SYN3: variants seen among roughly 807,000 people sequenced by gnomAD.
SYN3 encodes synapsin III.
Under a neutral mutation model 65.8 loss-of-function variants are expected in SYN3, and 35 were observed. The ratio of observed to expected loss-of-function variants is 0.53; its 90% CI spans 0.41 to 0.70. SYN3 has a LOEUF of 0.70. Ranked by LOEUF, SYN3 falls within the 30% of genes least tolerant of loss-of-function variation. The pLI, the probability that SYN3 is intolerant of heterozygous loss-of-function variation, is 0.00. For synonymous variants in SYN3, 270 were observed against 292.9 expected, an observed-to-expected ratio of 0.92 and a Z score of 0.80; for missense variants, 680 against 749.0, an observed-to-expected ratio of 0.91 and a Z score of 1.08.
chr22:32,993,507 T>C (rs1485420292), intron 2 of SYN3, among the ~76,000 whole-genome samples: 1 of 152,084 alleles, frequency 6.6e-6, no homozygotes, highest in East Asian at 1.9e-4. Context: ...CACCACGCCC[T>C]GCTAATTTTT....
intron 6 of SYN3, among the ~76,000 whole-genome samples, chr22:32,631,075 C>A (rs1194398327): frequency 8.2e-6 from 1 of 121,714 alleles, no homozygotes; most frequent in African/African-American, 4.6e-5. Flanking sequence ...GGGCGGATCA[C>A]CTGAGGTCAG....
intron 3 of SYN3, among the ~76,000 whole-genome samples, chr22:32,934,238 T>C (rs2050714035): frequency 6.6e-6 from 1 of 152,134 alleles, no homozygotes. Context: ...TCACCAAATA[T>C]ATGCAGAGAG....
chr22:32,524,372 T>C (rs557263955), intron 12 of SYN3, among the ~76,000 whole-genome samples: 32 of 152,276 alleles, frequency 2.1e-4, no homozygotes, highest in African/African-American at 7.7e-4. Context: ...GCCGGTGACT[T>C]AGAGTTGAAG....
intron 7 of SYN3, among the ~76,000 whole-genome samples, chr22:32,560,948 G>T (rs1395470048): frequency 6.6e-6 from 1 of 152,192 alleles, no homozygotes; most frequent in Non-Finnish European, 1.5e-5. Flanking sequence ...GTAGGATGTG[G>T]GGTGTGAAGG....
intron 1 of SYN3, among the ~76,000 whole-genome samples, chr22:33,028,698 TGGTGGTGGTGGTGGTGGG>T (rs2053690431): frequency 7.6e-6 from 1 of 131,738 alleles, no homozygotes; most frequent in South Asian, 2.3e-4. Context: ...GTGATGGTGG[TGGTGGTGGTGGTGGTGGG>T]GTTGCTACCA....
intron 6 of SYN3, among the ~76,000 whole-genome samples, chr22:32,647,903 C>A (rs1195604931): frequency 1.3e-5 from 2 of 151,938 alleles, no homozygotes; most frequent in African/African-American, 4.8e-5. Flanking sequence ...TATTTTTTTA[C>A]ATTTTTTTTG....
At chr22:32,781,793 A>G (rs1205266421) in intron 6 of SYN3, among the ~76,000 whole-genome samples, 1 of 151,880 alleles carries the variant, frequency 6.6e-6, no homozygotes, top group Non-Finnish European at 1.5e-5. Flanking sequence ...CTCCTCCAGG[A>G]CTGCCTTAGG....
intron 6 of SYN3, among the ~76,000 whole-genome samples, chr22:32,600,252 G>A (rs144668266): frequency 0.017 from 2,612 of 152,130 alleles, 39 homozygotes; most frequent in Admixed American, 0.023. Context: ...CATAACGAGA[G>A]GGCAACCTAC....
chr22:32,528,353 C>T (rs991708750), intron 11 of SYN3, among the ~76,000 whole-genome samples: 1 of 152,130 alleles, frequency 6.6e-6, no homozygotes, highest in African/African-American at 2.4e-5. Context: ...CTTGCTTTTA[C>T]ATAAAGCTGG....
At chr22:32,518,492 T>G (rs1389861744) in intron 12 of SYN3, 158 bp from the exon 13 acceptor site, 3 of 860,300 alleles carry the variant, frequency 3.5e-6, no homozygotes, top group Middle Eastern at 4.3e-4. Flanking sequence ...AGGAAGTAAT[T>G]AGGAACATTA....
At chr22:32,776,643 G>A (rs551646856) in intron 6 of SYN3, among the ~76,000 whole-genome samples, 8 of 152,302 alleles carry the variant, frequency 5.3e-5, no homozygotes, top group Admixed American at 3.9e-4. Flanking sequence ...TCTGTTTCCT[G>A]AGCCAGTCAC....
intron 4 of SYN3, among the ~76,000 whole-genome samples, chr22:32,899,434 G>A (rs2049696764): frequency 6.6e-6 from 1 of 152,168 alleles, no homozygotes; most frequent in African/African-American, 2.4e-5. Flanking sequence ...GGGGAACGGA[G>A]GCGTTAATCA....
chr22:32,648,731 A>G (rs2060019536), intron 6 of SYN3, among the ~76,000 whole-genome samples: 3 of 152,224 alleles, frequency 2.0e-5, no homozygotes, highest in Admixed American at 2.0e-4. Context: ...TTGCTGAAAG[A>G]TTAAATGACA....
At chr22:32,531,835 A>AT (rs2058076025) in intron 10 of SYN3, among the ~76,000 whole-genome samples, 1 of 140,296 alleles carries the variant, frequency 7.1e-6, no homozygotes, top group African/African-American at 2.7e-5. Flanking sequence ...GCTATCTTTC[A>AT]TTTTTCCCCT....
At chr22:32,941,081 C>T (rs1007439687) in intron 3 of SYN3, among the ~76,000 whole-genome samples, 1 of 152,134 alleles carries the variant, frequency 6.6e-6, no homozygotes, top group Non-Finnish European at 1.5e-5. Flanking sequence ...CAAAGACCTC[C>T]TCAACGAAAC....
intron 6 of SYN3, chr22:32,861,773 CTTTG>C (rs2048545995): frequency 6.6e-6 from 1 of 152,622 alleles, no homozygotes; most frequent in African/African-American, 2.4e-5. Flanking sequence ...TAAGCTATAG[CTTTG>C]TTTATTTCAC....
intron 4 of SYN3, among the ~76,000 whole-genome samples, chr22:32,926,374 G>C (rs935713946): frequency 6.6e-6 from 1 of 152,138 alleles, no homozygotes; most frequent in African/African-American, 2.4e-5. Flanking sequence ...CAATAATCAG[G>C]AACTTCTTTA....
In SYN3 at chr22:32,508,073, T is replaced by G. The variant is rs1054357731; in HGVS notation, c.*5619A>C. ...TTATTAATATAAGAAGGCAGGAATG[T>G]CAGGCCTCTGAGCCCAAGCCAAGCC... On this transcript the variant is annotated 3_prime_UTR_variant, in exon 14 of 14. Coordinates refer to ENST00000358763, the MANE Select transcript of SYN3 (RefSeq NM_003490.4). Among the ~76,000 whole-genome samples, 1 of 152,154 alleles carries G rather than the reference T, an allele frequency of 6.6e-6. No individual in the cohort carries two copies. Among genetic ancestry groups the G allele is most frequent in the Non-Finnish European group, 1.5e-5 (1 of 68,040 alleles).
intron 3 of SYN3, among the ~76,000 whole-genome samples, chr22:32,941,250 C>T (rs1191085121): frequency 1.3e-5 from 2 of 152,056 alleles, no homozygotes; most frequent in South Asian, 2.1e-4. Flanking sequence ...TACTGAGGAC[C>T]GGCACTTATG....
Sources: allele counts gnomAD v4.1 joint callset (sites outside exome capture counted in the v4.1 genomes callset), GRCh38; gene constraint gnomAD v4.1.1; transcripts MANE v1.5; gene names NCBI Gene and HGNC (gene_info 2026-07-23, HGNC 2026-07-21).